The following INSL6 variants were observed in gnomAD, a reference collection of about 807,000 sequenced individuals.
INSL6 encodes insulin-like peptide INSL6.
In INSL6, 16 loss-of-function variants were observed where a neutral mutation model predicts 9.4. The observed-to-expected ratio is 1.70, with a 90% CI of 1.15 to 2.59. INSL6 has a LOEUF of 2.59. Ranked by LOEUF, INSL6 falls within the 30% of genes most tolerant of loss-of-function variation. INSL6 has a pLI of 0.00. For missense variants in INSL6, 391 were observed against 257.3 expected (o/e 1.52, Z -3.56); for synonymous variants, 154 against 96.9 (o/e 1.59, Z -3.46).
At position 5,177,291 on chromosome 9, in the gene INSL6, A is replaced by G. The variant is rs988911660; in HGVS notation, c.289+8023T>C. Reference sequence around the variant, plus strand: ...AAGGAACAGCAGGGAGCCAAAGGAAACTCACCCTCAGCCAAGGAAAGTGGT... The same window carrying G: ...AAGGAACAGCAGGGAGCCAAAGGAAGCTCACCCTCAGCCAAGGAAAGTGGT... On this transcript the variant is annotated intron_variant, in intron 1 of 1. Transcript: ENST00000381641. Among the ~76,000 whole-genome samples, 22 of 152,042 alleles carry G rather than the reference A, an allele frequency of 1.4e-4. 1 individual carries two copies. Among genetic ancestry groups the G allele is most frequent in the Non-Finnish European group, 1.0e-4 (7 of 68,000 alleles).
intron 2 of INSL6, among the ~76,000 whole-genome samples, chr9:5,138,223 C>T (rs987903682): frequency 2.0e-5 from 3 of 152,114 alleles, no homozygotes; most frequent in South Asian, 4.1e-4. Context: ...CCTGCAATTC[C>T]GTTACTGGGT....
intron 2 of INSL6, among the ~76,000 whole-genome samples, chr9:5,147,079 G>T (rs1272132816): frequency 1.6e-4 from 25 of 152,164 alleles, no homozygotes; most frequent in Non-Finnish European, 1.0e-4. Flanking sequence ...GCCTAGAGGG[G>T]TGGTCATCTC....
At chr9:5,138,663 G>T (rs1393676549) in intron 2 of INSL6, among the ~76,000 whole-genome samples, 1 of 151,810 alleles carries the variant, frequency 6.6e-6, no homozygotes, top group South Asian at 2.1e-4. Flanking sequence ...AAACCACCAT[G>T]ACACATGTAT....
the INSL6 span, among the ~76,000 whole-genome samples, chr9:5,105,336 A>G: frequency 6.6e-6 from 1 of 152,252 alleles, no homozygotes; most frequent in Non-Finnish European, 1.5e-5. Flanking sequence ...ATACCTGGGA[A>G]TCCAACTTAC....
chr9:5,054,496 A>T, the INSL6 span: 1 of 1,361,080 alleles, frequency 7.3e-7, no homozygotes, highest in Non-Finnish European at 1.0e-6. The surrounding 1 kb of genome is among the most constrained non-coding windows in gnomAD (Gnocchi z 4.9). Context: ...CTTCTTTTTC[A>T]ATTTTTAGAT....
chr9:5,005,997 G>C, the INSL6 span, among the ~76,000 whole-genome samples: 1 of 152,156 alleles, frequency 6.6e-6, no homozygotes, highest in South Asian at 2.1e-4. Context: ...GGTTCCATAT[G>C]AACTTTAAAG....
intron 3 of INSL6, among the ~76,000 whole-genome samples, chr9:5,132,481 T>A (rs1032571027): frequency 6.6e-6 from 1 of 152,146 alleles, no homozygotes; most frequent in Non-Finnish European, 1.5e-5. Context: ...GCCTAGGCCA[T>A]TCTCTCACAG....
downstream of INSL6, among the ~76,000 whole-genome samples, chr9:5,162,181 A>C (rs1824941229): frequency 6.6e-6 from 1 of 152,214 alleles, no homozygotes; most frequent in East Asian, 1.9e-4. Context: ...CAAGTAACTT[A>C]ACATGGAGCC....
At chr9:5,123,707 G>T (rs62543904), downstream of INSL6, among the ~76,000 whole-genome samples, 8 of 151,872 alleles carry the variant, frequency 5.3e-5, no homozygotes, top group Admixed American at 1.3e-4. Flanking sequence ...TCTATATTTA[G>T]GTCTCTGAGA....
chr9:5,095,642 C>CT, the INSL6 span, among the ~76,000 whole-genome samples: 1 of 152,110 alleles, frequency 6.6e-6, no homozygotes, highest in Non-Finnish European at 1.5e-5. Context: ...GCCCCTATCT[C>CT]AATTATATTT....
the INSL6 span, among the ~76,000 whole-genome samples, chr9:5,068,477 G>A: frequency 6.6e-6 from 1 of 152,212 alleles, no homozygotes; most frequent in Non-Finnish European, 1.5e-5. Flanking sequence ...TAGAAACAGT[G>A]GTACTTGAAC....
intron 1 of INSL6, among the ~76,000 whole-genome samples, chr9:5,175,804 C>G (rs965719873): frequency 6.6e-6 from 1 of 152,166 alleles, no homozygotes; most frequent in Non-Finnish European, 1.5e-5. Context: ...TGTCTCCCAT[C>G]ACCCCCAGAT....
At chr9:5,148,597 C>T (rs1276466095) in intron 2 of INSL6, among the ~76,000 whole-genome samples, 1 of 152,122 alleles carries the variant, frequency 6.6e-6, no homozygotes, top group Non-Finnish European at 1.5e-5. Flanking sequence ...GAAGGAGGTA[C>T]ACCTAGGCCC....
At chr9:5,182,670 G>A (rs1257188535) in intron 1 of INSL6, among the ~76,000 whole-genome samples, 6 of 152,052 alleles carry the variant, frequency 3.9e-5, no homozygotes, top group African/African-American at 1.2e-4. Context: ...AAGAATATGT[G>A]ACATGAAGAC....
the INSL6 span, among the ~76,000 whole-genome samples, chr9:5,024,822 C>A: frequency 6.6e-6 from 1 of 152,000 alleles, no homozygotes; most frequent in Non-Finnish European, 1.5e-5. Context: ...TCAGTCAGTC[C>A]CCAGTCAGGG....
intron 2 of INSL6, among the ~76,000 whole-genome samples, chr9:5,138,192 G>C (rs922502385): frequency 6.6e-6 from 1 of 152,168 alleles, no homozygotes; most frequent in African/African-American, 2.4e-5. Flanking sequence ...CAAGGATCTA[G>C]AGTTAGAAAT....
chr9:5,084,744 A>C, the INSL6 span, among the ~76,000 whole-genome samples: 3 of 152,212 alleles, frequency 2.0e-5, no homozygotes, highest in Non-Finnish European at 4.4e-5. Flanking sequence ...TTAACAGTGT[A>C]AACAGTACCA....
chr9:5,110,541 G>T, the INSL6 span: 7 of 157,294 alleles, frequency 4.5e-5, no homozygotes, highest in Non-Finnish European at 8.4e-5. Context: ...TTGAAAAATA[G>T]GACTATTCAA....
intron 2 of INSL6, among the ~76,000 whole-genome samples, chr9:5,138,954 A>C (rs759001625): frequency 6.6e-6 from 1 of 152,142 alleles, no homozygotes; most frequent in Non-Finnish European, 1.5e-5. Context: ...GATTTTAACA[A>C]TATGCACCAT....
Sources: gnomAD v4.1 joint callset for allele counts (sites outside exome capture counted in the v4.1 genomes callset) on GRCh38, gnomAD v4.1.1 for gene constraint, Gnocchi (gnomAD v3.1) non-coding constraint, MANE v1.5 for transcripts, NCBI Gene and HGNC (gene_info 2026-07-23, HGNC 2026-07-21) for gene names.